Variants in HS6ST3 observed in about 807,000 individuals in gnomAD.
The protein encoded by HS6ST3 is heparan sulfate 6-O-sulfotransferase 3.
Under a neutral mutation model 36.7 loss-of-function variants are expected in HS6ST3, and 12 were observed. That is an observed-to-expected ratio of 0.33 (90% CI 0.21 to 0.53). The LOEUF (loss-of-function observed/expected upper bound fraction) is 0.53. Among genes scored for constraint, HS6ST3 ranks in the 20% least tolerant of loss-of-function variants. The probability of loss-of-function intolerance (pLI) is 0.95; values close to 1 mark genes in which losing one functional copy is unlikely to be tolerated. For synonymous variants in HS6ST3, 240 were observed against 257.5 expected (o/e 0.93, Z 0.65); for missense variants, 584 against 640.9 (o/e 0.91, Z 0.96).
intron 1 of HS6ST3, among the ~76,000 whole-genome samples, chr13:96,230,048 A>G (rs944866962): frequency 6.6e-6 from 1 of 152,170 alleles, no homozygotes; most frequent in African/African-American, 2.4e-5. Context: ...CATGGGAGGA[A>G]CATGTTGAAT....
At chr13:96,187,854 T>C (rs937613856) in intron 1 of HS6ST3, among the ~76,000 whole-genome samples, 3 of 152,176 alleles carry the variant, frequency 2.0e-5, no homozygotes, top group Non-Finnish European at 4.4e-5. Context: ...GTGGTAGAAT[T>C]CAGTGATAAC....
intron 1 of HS6ST3, among the ~76,000 whole-genome samples, chr13:96,221,601 C>A (rs1371406588): frequency 6.6e-6 from 1 of 152,114 alleles, no homozygotes; most frequent in Non-Finnish European, 1.5e-5. Context: ...CTTTAGTCTA[C>A]TGACCAAACA....
intron 1 of HS6ST3, among the ~76,000 whole-genome samples, chr13:96,813,680 C>T (rs1046989607): frequency 6.6e-6 from 1 of 152,164 alleles, no homozygotes; most frequent in African/African-American, 2.4e-5. Flanking sequence ...CACATCTGGC[C>T]TTCAATGTAG....
chr13:96,433,393 G>A (rs562654776), intron 1 of HS6ST3, among the ~76,000 whole-genome samples: 2 of 152,306 alleles, frequency 1.3e-5, no homozygotes, highest in African/African-American at 2.4e-5. Flanking sequence ...TAATCTCCAT[G>A]TGTCAAGGGT....
intron 1 of HS6ST3, among the ~76,000 whole-genome samples, chr13:96,284,099 C>T (rs1373290216): frequency 1.3e-5 from 2 of 152,118 alleles, no homozygotes; most frequent in Admixed American, 1.3e-4. Flanking sequence ...CTTCCTTTGA[C>T]CCAAGCACAA....
At chr13:96,498,249 G>A (rs2055986764) in intron 1 of HS6ST3, among the ~76,000 whole-genome samples, 1 of 152,266 alleles carries the variant, frequency 6.6e-6, no homozygotes, top group African/African-American at 2.4e-5. Flanking sequence ...CTTCTTTGGT[G>A]AGCCCAAACT....
chr13:96,460,275 T>C (rs947760067), intron 1 of HS6ST3, among the ~76,000 whole-genome samples: 2 of 152,168 alleles, frequency 1.3e-5, no homozygotes, highest in East Asian at 3.9e-4. Flanking sequence ...GACTATAAGA[T>C]AGTACTGGGA....
intron 1 of HS6ST3, among the ~76,000 whole-genome samples, chr13:96,823,457 G>A (rs527313396): frequency 6.6e-6 from 1 of 151,926 alleles, no homozygotes; most frequent in Admixed American, 6.5e-5. Flanking sequence ...TAAATAAAAT[G>A]GAAAAACATT....
chr13:96,809,867 G>GA (rs1432003589), intron 1 of HS6ST3, among the ~76,000 whole-genome samples: 6 of 152,286 alleles, frequency 3.9e-5, no homozygotes, highest in African/African-American at 1.4e-4. Context: ...CTTCCTCCCT[G>GA]AGGCTTATGG....
At chr13:96,396,772 T>C (rs940402652) in intron 1 of HS6ST3, among the ~76,000 whole-genome samples, 1 of 152,080 alleles carries the variant, frequency 6.6e-6, no homozygotes, top group Admixed American at 6.6e-5. Flanking sequence ...TTAGCAAATA[T>C]CCCCTTAGGA....
Position 96,311,953 on chromosome 13 carries a change from T to G in HS6ST3, c.707+220384T>G, listed in dbSNP as rs1594750069. Among the ~76,000 whole-genome samples the G allele has an allele frequency of 7.0e-5, 4 of 57,296 alleles. No individual in the cohort carries two copies. The South Asian group carries it at 2.8e-3, about 40-fold the overall frequency. The allele number at this position is 57,296 out of a possible 152,430, so 37.6% of individuals were successfully genotyped here. A position where few individuals can be genotyped will look rare whatever the true frequency, so the allele number is the denominator to read the frequency against. On this transcript the variant is annotated intron_variant, in intron 1 of 1. Transcript: ENST00000376705. ...TCATTTTCTTTGGCTATTAAGTTCA[T>G]TTTTTTTTTGTTTCATTAACTTAGA...
intron 1 of HS6ST3, among the ~76,000 whole-genome samples, chr13:96,640,384 A>G (rs1370086480): frequency 6.6e-6 from 1 of 151,828 alleles, no homozygotes. Flanking sequence ...GTGTTTGCTC[A>G]TGTCTTTTGT....
At chr13:96,206,496 G>A (rs1423102135) in intron 1 of HS6ST3, among the ~76,000 whole-genome samples, 8 of 152,126 alleles carry the variant, frequency 5.3e-5, no homozygotes, top group African/African-American at 9.7e-5. Flanking sequence ...AGGCTGAATA[G>A]CCAAGAGAAT....
intron 1 of HS6ST3, among the ~76,000 whole-genome samples, chr13:96,171,662 A>T (rs1395775577): frequency 6.6e-6 from 1 of 152,172 alleles, no homozygotes; most frequent in Non-Finnish European, 1.5e-5. Flanking sequence ...TGGAGCCCTG[A>T]GTTTCTCAGT....
At chr13:96,618,668 T>C (rs1594819685) in intron 1 of HS6ST3, among the ~76,000 whole-genome samples, 1 of 152,226 alleles carries the variant, frequency 6.6e-6, no homozygotes, top group African/African-American at 2.4e-5. Context: ...TCTGACGTGG[T>C]ACAATGCCTA....
Position 96,810,315 on chromosome 13 carries a change from G to C in HS6ST3, c.708-22175G>C, listed in dbSNP as rs1327630432. Among the ~76,000 whole-genome samples, 5 of 152,160 alleles carry C rather than the reference G, an allele frequency of 3.3e-5. No homozygotes were observed. The East Asian group carries it at 9.6e-4, about 29-fold the overall frequency. On this transcript the variant is annotated intron_variant, in intron 1 of 1. Transcript: ENST00000376705. ...TATCTTTCCTTCAGAAAGGGAGGGA[G>C]ATGAAGGGGTAGAAGAGAGAAGAAG...
intron 1 of HS6ST3, among the ~76,000 whole-genome samples, chr13:96,788,355 G>C (rs1034933730): frequency 3.3e-5 from 5 of 151,734 alleles, no homozygotes; most frequent in African/African-American, 1.2e-4. Flanking sequence ...TATTGAATTG[G>C]TATCTTAACT....
chr13:96,091,240 C>A lies in HS6ST3; in HGVS notation c.378C>A (p.Arg126=). The change falls in exon 1 of 2, where the codon CGC becomes CGA. Residue 126 remains arginine, a synonymous_variant. Coordinates refer to ENST00000376705, the MANE Select transcript of HS6ST3 (RefSeq NM_153456.4). The part of the protein sequence containing the change: ...ENGSLPRFVP[R]FNFSLKDLTR... ...GCTCCCTGCCCCGATTCGTGCCGCG[C>A]TTCAACTTCAGCCTGAAGGACCTGA... The A allele has an allele frequency of 6.3e-7, 1 of 1,598,714 alleles. No homozygotes were observed.
chr13:96,610,489 G>A (rs745861106), intron 1 of HS6ST3, among the ~76,000 whole-genome samples: 1 of 152,206 alleles, frequency 6.6e-6, no homozygotes, highest in Middle Eastern at 3.4e-3. Context: ...TCAGGAACTG[G>A]TGTTATTCTC....
Sources: allele counts gnomAD v4.1 joint callset (sites outside exome capture counted in the v4.1 genomes callset), GRCh38; gene constraint gnomAD v4.1.1; transcripts MANE v1.5; gene names NCBI Gene and HGNC (gene_info 2026-07-23, HGNC 2026-07-21).